RECQL: variants seen among roughly 807,000 people sequenced by gnomAD.
RECQL encodes the protein ATP-dependent DNA helicase Q1.
A neutral mutation model predicts 75.8 loss-of-function variants in RECQL; 73 were observed. The ratio of observed to expected loss-of-function variants is 0.96; its 90% CI spans 0.80 to 1.17. The LOEUF (loss-of-function observed/expected upper bound fraction) is 1.17, where lower values mean the gene tolerates loss of function less well. RECQL is among the 50% of genes most tolerant of loss of function. The pLI is 0.00. For synonymous variants in RECQL, 248 were observed against 254.4 expected (o/e 0.97, Z 0.24); for missense variants, 699 against 772.1 (o/e 0.91, Z 1.12).
Position 21,475,555 on chromosome 12 carries a change from C to A in RECQL, c.1129G>T (p.Gly377Ter), listed in dbSNP as rs375822444. The change falls in exon 10 of 15, where the codon GGA (glycine) becomes TGA (stop). Residue 377 changes from glycine (G) to a stop codon, truncating the protein, a stop_gained. Transcript: ENST00000444129. LOFTEE classifies it high-confidence loss of function. The stretch of plus-strand genomic sequence containing the variant: ...AACCTCACATCTGGCTTATCAATTC[C>A]CATACCAAATGCAACAGTTGCCACT... Reference protein sequence around the residue: ...VVVATVAFGMGIDKPDVRFVI... With the variant: ...VVVATVAFGM 1.2e-6 allele frequency: 2 copies of A among 1,612,586 alleles called. No individual in the cohort carries two copies. The highest frequency in any genetic ancestry group is 1.7e-5 in the Admixed American group (1 of 59,924).
rs1942968503 is a variant in RECQL, at chr12:21,471,639, T to C, written c.1456A>G (p.Arg486Gly). ...CTGCAGTACTCTGTTATGTTCTTTC[T>C]TTCAAATGCTGTAATAAAACAAATA... ...DNCCKDSAFE[R>G]KNITEYCRDL... Residue 486 changes from arginine to glycine, a missense_variant, in exon 13 of 15, where the codon AGA becomes GGA. Around this residue, in one of 2 missense-constraint regions of RECQL, gnomAD observed 669 missense variants for 713.5 expected, o/e 0.94. Transcript: ENST00000444129. 1.9e-6 allele frequency: 3 copies of C among 1,611,504 alleles called. No individual in the cohort carries two copies. Among genetic ancestry groups the C allele is most frequent in the Non-Finnish European group, 2.5e-6 (3 of 1,177,970 alleles).
chr12:21,475,982 A>G (rs1212799888), intron 8 of RECQL, among the ~76,000 whole-genome samples, 158 bp from the exon 9 acceptor site: 2 of 152,062 alleles, frequency 1.3e-5, no homozygotes, highest in African/African-American at 2.4e-5. Context: ...ACATTTTGGT[A>G]TAATTCCAGA....
intron 8 of RECQL, among the ~76,000 whole-genome samples, chr12:21,476,098 C>T (rs1033445292): frequency 2.6e-5 from 4 of 152,018 alleles, no homozygotes; most frequent in Admixed American, 1.3e-4. Flanking sequence ...AACAGTATTT[C>T]TCAAACTGAT....
chr12:21,488,866 A>G (rs1240331802), intron 4 of RECQL, among the ~76,000 whole-genome samples: 2 of 152,234 alleles, frequency 1.3e-5, no homozygotes. Flanking sequence ...TTTAAAAATA[A>G]GACTCTTTCC....
intron 6 of RECQL, among the ~76,000 whole-genome samples, chr12:21,482,991 C>G (rs972728210): frequency 3.3e-5 from 5 of 152,104 alleles, no homozygotes; most frequent in South Asian, 2.1e-4. Context: ...GATGCAAATT[C>G]TTCAACAAAT....
chr12:21,471,961 T>C (rs1383315386), intron 12 of RECQL, among the ~76,000 whole-genome samples: 1 of 151,960 alleles, frequency 6.6e-6, no homozygotes, highest in Admixed American at 6.6e-5. Flanking sequence ...TACTAAGAGG[T>C]GTGTTTTATA....
chr12:21,483,178 G>A (rs930421381), intron 6 of RECQL, among the ~76,000 whole-genome samples, 198 bp downstream of exon 6: 1 of 152,096 alleles, frequency 6.6e-6, no homozygotes. Context: ...GATAAAATAA[G>A]TAATACAGGT....
intron 8 of RECQL, 100 bp downstream of exon 8, chr12:21,476,811 T>C (rs1370276383): frequency 5.1e-6 from 3 of 582,684 alleles, no homozygotes; most frequent in Non-Finnish European, 8.5e-6. Context: ...ACATTAATTT[T>C]TTTTGGTGTT....
intron 1 of RECQL, among the ~76,000 whole-genome samples, chr12:21,500,522 T>C (rs767109565): frequency 2.0e-4 from 30 of 152,230 alleles, no homozygotes; most frequent in African/African-American, 7.2e-4. Flanking sequence ...GCCGGAAAGA[T>C]AGGCTGACTC....
Position 21,473,634 on chromosome 12 carries a change from C to A in RECQL, c.1364G>T (p.Arg455Leu), listed in dbSNP as rs778148225. The A allele has an allele frequency of 6.2e-7, 1 of 1,611,450 alleles. No homozygotes were observed. The highest frequency in any genetic ancestry group is 8.5e-7 in the Non-Finnish European group (1 of 1,178,330). Residue 455 changes from arginine (R) to leucine (L), a missense_variant, in exon 12 of 15, where the codon CGT becomes CTT. Arg to Leu is a moderately radical substitution (Grantham distance 102). This residue lies in a region of RECQL where 669 missense variants were observed against 713.5 expected (regional missense o/e 0.94). Coordinates refer to ENST00000444129, the MANE Select transcript of RECQL (RefSeq NM_002907.4). ...SYCQNISKCRRVLMAQHFDEV... is the reference protein window; with the variant it reads ...SYCQNISKCRLVLMAQHFDEV... ...ATCAAAATGTTGAGCCATCAACACA[C>A]GACGACATCTGCAAACACATTTAAA...
At chr12:21,488,351 T>G (rs1053574638) in intron 4 of RECQL, among the ~76,000 whole-genome samples, 3 of 152,242 alleles carry the variant, frequency 2.0e-5, no homozygotes, top group African/African-American at 7.2e-5. Context: ...CCTTTTTCTC[T>G]GTTTATCCCT....
At chr12:21,478,898 C>CA (rs1469989414) in intron 6 of RECQL, among the ~76,000 whole-genome samples, 1 of 152,158 alleles carries the variant, frequency 6.6e-6, no homozygotes, top group Admixed American at 6.5e-5. Flanking sequence ...TTCCATTCCT[C>CA]ATTCAGCTGT....
chr12:21,485,664 G>A (rs1239973927), intron 5 of RECQL, among the ~76,000 whole-genome samples: 7 of 151,624 alleles, frequency 4.6e-5, no homozygotes, highest in South Asian at 2.1e-4. Flanking sequence ...TTAGAGATAC[G>A]TACTGAAGAA....
At position 21,469,692 on chromosome 12, in the gene RECQL, T is replaced by C. The variant is rs1942883116; in HGVS notation, c.*502A>G. 6.6e-6 allele frequency: 1 copy of C among 150,444 alleles called. No homozygotes were observed. Among genetic ancestry groups the C allele is most frequent in the East Asian group, 1.9e-4 (1 of 5,138 alleles). The allele number at this position is 150,444 out of a possible 1,614,324, so 9.3% of individuals were successfully genotyped here. ...ACATGAGATTTTTCTTGCAATTTTT[T>C]TTTTAAGCTCATCAGCTATCATCAG... is the stretch of plus-strand genomic sequence containing the variant. On this transcript the variant is annotated 3_prime_UTR_variant, in exon 15 of 15. Transcript: ENST00000444129.
At chr12:21,493,238 CA>C (rs1394224758) in intron 2 of RECQL, among the ~76,000 whole-genome samples, 1 of 152,148 alleles carries the variant, frequency 6.6e-6, no homozygotes, top group Non-Finnish European at 1.5e-5. Context: ...ATAAAGGGAA[CA>C]TAACTATTCT....
chr12:21,499,797 CTA>C (rs1174392088), intron 1 of RECQL, among the ~76,000 whole-genome samples, 182 bp from the exon 2 acceptor site: 3 of 152,134 alleles, frequency 2.0e-5, no homozygotes, highest in African/African-American at 7.2e-5. Flanking sequence ...ATGGAAAACT[CTA>C]TATTTCAGCT....
intron 7 of RECQL, 116 bp from the exon 8 acceptor site, chr12:21,477,108 C>T (rs1454242182): frequency 1.6e-6 from 1 of 613,856 alleles, no homozygotes. Flanking sequence ...TTTCCTATTA[C>T]TCTTTCACTT....
chr12:21,473,555 G>A lies in RECQL; in HGVS notation c.1443C>T (p.Asp481=). Residue 481 remains aspartate (D), a synonymous_variant, in exon 12 of 15, where the codon GAC becomes GAT. Coordinates refer to ENST00000444129, the MANE Select transcript of RECQL (RefSeq NM_002907.4). ...CNKMCDNCCK[D]SAFERKNITE... ...TTTACAAAACAACAAACTCACCACT[G>A]TCTTTACAGCAGTTATCGCACATTT... The A allele has an allele frequency of 6.2e-7, 1 of 1,611,250 alleles. No individual in the cohort carries two copies. Among genetic ancestry groups the A allele is most frequent in the South Asian group, 1.1e-5 (1 of 90,970 alleles).
intron 12 of RECQL, 55 bp downstream of exon 12, chr12:21,473,496 C>A: frequency 7.7e-7 from 1 of 1,303,072 alleles, no homozygotes; most frequent in Non-Finnish European, 1.1e-6. Context: ...GTATCTCTGT[C>A]ACTAGGCATT....
Sources: allele counts gnomAD v4.1 joint callset (sites outside exome capture counted in the v4.1 genomes callset), GRCh38; gene constraint gnomAD v4.1.1; regional missense constraint gnomAD v4.1.1; transcripts MANE v1.5; gene names NCBI Gene and HGNC (gene_info 2026-07-23, HGNC 2026-07-21).